PXYLP1: variants seen among roughly 807,000 people sequenced by gnomAD.
PXYLP1 encodes acid phosphatase-like 2.
In PXYLP1, 17 loss-of-function variants were observed where a neutral mutation model predicts 37.9. That is an observed-to-expected ratio of 0.45 (90% CI 0.31 to 0.67). The LOEUF (loss-of-function observed/expected upper bound fraction) is 0.67, where lower values mean the gene tolerates loss of function less well. Ranked by LOEUF, PXYLP1 falls within the 30% of genes least tolerant of loss-of-function variation. The pLI, the probability that PXYLP1 is intolerant of heterozygous loss-of-function variation, is 0.07. For synonymous variants in PXYLP1, 221 were observed against 232.2 expected (o/e 0.95, Z 0.44); for missense variants, 511 against 612.0 (o/e 0.84, Z 1.74).
chr3:141,263,173 A>G (rs1941431737), intron 2 of PXYLP1, among the ~76,000 whole-genome samples: 1 of 152,258 alleles, frequency 6.6e-6, no homozygotes, highest in Non-Finnish European at 1.5e-5. Flanking sequence ...CTGGATACAG[A>G]AAGTATGTAG....
At chr3:141,245,621 A>T (rs544448788) in intron 1 of PXYLP1, among the ~76,000 whole-genome samples, 2 of 152,200 alleles carry the variant, frequency 1.3e-5, no homozygotes, top group Non-Finnish European at 2.9e-5. Flanking sequence ...TGATCTTCAA[A>T]GATCCTGGGA....
At chr3:141,234,731 A>G (rs1940617738) in intron 1 of PXYLP1, among the ~76,000 whole-genome samples, 1 of 152,186 alleles carries the variant, frequency 6.6e-6, no homozygotes, top group African/African-American at 2.4e-5. Context: ...CAGTACAGCC[A>G]AATGCTGAGG....
chr3:141,278,644 C>G (rs761316107), intron 3 of PXYLP1, 144 bp downstream of exon 3: 5 of 1,046,514 alleles, frequency 4.8e-6, no homozygotes, highest in Non-Finnish European at 6.9e-6. Flanking sequence ...GTTCCTGGGT[C>G]CTTGCATTCT....
At chr3:141,256,093 A>C (rs1312019576) in intron 1 of PXYLP1, among the ~76,000 whole-genome samples, 1 of 152,226 alleles carries the variant, frequency 6.6e-6, no homozygotes, top group Non-Finnish European at 1.5e-5. Flanking sequence ...GAGCCACAGC[A>C]TGGAGCAGAA....
intron 2 of PXYLP1, chr3:141,274,756 G>A (rs1467034383): frequency 7.5e-6 from 5 of 666,690 alleles, no homozygotes; most frequent in South Asian, 4.9e-5. Flanking sequence ...ATACTATGCT[G>A]TGAGCCATGA....
Position 141,279,369 on chromosome 3 carries a change from C to G in PXYLP1, c.239-9C>G, listed in dbSNP as rs1314455765. ...AGTGATAACCAGACAATGTGCTTCTCTCGCGCAGGTCATGCCCCGCATCAT... is the reference window on the plus strand; with the variant it reads ...AGTGATAACCAGACAATGTGCTTCTGTCGCGCAGGTCATGCCCCGCATCAT... On this transcript the variant is annotated splice_polypyrimidine_tract_variant and intron_variant, in intron 3 of 5. Transcript: ENST00000286353. 2 of 1,614,108 alleles carry G rather than the reference C, an allele frequency of 1.2e-6. No individual in the cohort carries two copies. The highest frequency in any genetic ancestry group is 1.7e-6 in the Non-Finnish European group (2 of 1,179,962).
intron 1 of PXYLP1, among the ~76,000 whole-genome samples, chr3:141,257,852 C>T (rs1941295832): frequency 7.6e-6 from 1 of 131,998 alleles, no homozygotes; most frequent in South Asian, 2.4e-4. Flanking sequence ...TGCAGTGATC[C>T]AAGATTGCAC....
chr3:141,283,172 T>C (rs1941994350), intron 4 of PXYLP1, among the ~76,000 whole-genome samples: 2 of 150,628 alleles, frequency 1.3e-5, no homozygotes, highest in Non-Finnish European at 3.0e-5. Flanking sequence ...TTAGTAGAGA[T>C]GGGGTTTCAC....
rs1393691796 is a variant in PXYLP1, at chr3:141,260,151, T to C, written c.-25T>C. The C allele has an allele frequency of 1.9e-6, 3 of 1,613,718 alleles. No individual in the cohort carries two copies. Among genetic ancestry groups the C allele is most frequent in the Admixed American group, 1.7e-5 (1 of 60,034 alleles). ...ATGTTCCCGATTTGAGGTGAAACCA[T>C]GAAGAGAAAATAGAATACTTAATAA... is the stretch of plus-strand genomic sequence containing the variant. On this transcript the variant is annotated 5_prime_UTR_variant, in exon 2 of 6. It removes an upstream start codon present in the reference 5' UTR. Transcript: ENST00000286353.
chr3:141,284,644 C>T (rs1238444930), intron 4 of PXYLP1, among the ~76,000 whole-genome samples: 1 of 152,192 alleles, frequency 6.6e-6, no homozygotes, highest in Non-Finnish European at 1.5e-5. Flanking sequence ...GCACATTCTC[C>T]CATGTACTTT....
At chr3:141,240,660 T>TC (rs1314420202) in intron 1 of PXYLP1, among the ~76,000 whole-genome samples, 2 of 151,720 alleles carry the variant, frequency 1.3e-5, no homozygotes, top group East Asian at 3.9e-4. Flanking sequence ...TGCCCCCTCC[T>TC]CCCCCCAAAA....
chr3:141,248,586 TAC>T lies in PXYLP1; in HGVS notation c.-53-11530_-53-11529del, dbSNP rs534178877. On this transcript the variant is annotated intron_variant, in intron 1 of 5. Transcript: ENST00000286353. ...GTATATATATACACACATGTATATA[TAC>T]ACACACGTGTATATATACACACGTA... 4.6e-4 allele frequency among the ~76,000 whole-genome samples: 29 copies of T among 63,526 alleles called. 3 individuals are homozygous for T. The highest frequency in any genetic ancestry group is 7.6e-4 in the South Asian group (1 of 1,318). 41.7% of individuals were successfully genotyped at this position (63,526 alleles called of 152,430 possible).
intron 1 of PXYLP1, among the ~76,000 whole-genome samples, chr3:141,259,768 G>A (rs926778681): frequency 5.3e-5 from 8 of 152,214 alleles, no homozygotes; most frequent in African/African-American, 1.9e-4. Flanking sequence ...AGATGAGTCC[G>A]TGTGAAGATT....
chr3:141,251,096 A>G (rs1230051604), intron 1 of PXYLP1, among the ~76,000 whole-genome samples: 1 of 152,258 alleles, frequency 6.6e-6, no homozygotes, highest in African/African-American at 2.4e-5. Context: ...GAAGAGTACC[A>G]GCGTTCTGCT....
At chr3:141,237,546 C>A (rs1325395471) in intron 1 of PXYLP1, among the ~76,000 whole-genome samples, 3 of 152,192 alleles carry the variant, frequency 2.0e-5, no homozygotes, top group Non-Finnish European at 4.4e-5. Flanking sequence ...ATACCTACTT[C>A]ATGGTACTGT....
intron 1 of PXYLP1, among the ~76,000 whole-genome samples, chr3:141,249,411 T>C (rs545719904): frequency 1.3e-5 from 2 of 151,768 alleles, no homozygotes; most frequent in South Asian, 4.2e-4. Flanking sequence ...CTTGATAACC[T>C]GTCCTTTCAG....
Position 141,293,156 on chromosome 3 carries a change from G to A in PXYLP1, c.1394G>A (p.Gly465Asp). The A allele has an allele frequency of 6.2e-7, 1 of 1,614,062 alleles. No individual in the cohort carries two copies. Among genetic ancestry groups the A allele is most frequent in the Non-Finnish European group, 8.5e-7 (1 of 1,180,030 alleles). Residue 465 changes from glycine to aspartate, a missense_variant, in exon 6 of 6, where the codon GGT becomes GAT. Coordinates refer to ENST00000286353, the MANE Select transcript of PXYLP1 (RefSeq NM_001037172.3). ...FVKRDMFVAL[G>D]GSGTNYYDAC... ...AAAAGGGACATGTTTGTAGCCCTGG[G>A]TGGCAGTGGTACAAATTATTATGAT...
intron 1 of PXYLP1, among the ~76,000 whole-genome samples, chr3:141,235,713 C>G (rs113612428): frequency 5.9e-5 from 9 of 152,224 alleles, no homozygotes; most frequent in African/African-American, 2.2e-4. Context: ...AGGTAAACGA[C>G]GGCCCATTGG....
chr3:141,279,512 G>C lies in PXYLP1; in HGVS notation c.365+8G>C. The C allele has an allele frequency of 6.2e-7, 1 of 1,614,116 alleles. No homozygotes were observed. The highest frequency in any genetic ancestry group is 8.5e-7 in the Non-Finnish European group (1 of 1,180,002). ...CACTCTGGTGGCTAACAGGTAAATT[G>C]CACTTTTTCTAAAAGTCATTTTCAA... On this transcript the variant is annotated splice_region_variant and intron_variant, in intron 4 of 5. Transcript: ENST00000286353.
Sources: gnomAD v4.1 joint callset for allele counts (sites outside exome capture counted in the v4.1 genomes callset) on GRCh38, gnomAD v4.1.1 for gene constraint, MANE v1.5 for transcripts, NCBI Gene and HGNC (gene_info 2026-07-23, HGNC 2026-07-21) for gene names.